Variants in BCAT1 observed in about 807,000 individuals in gnomAD.
BCAT1 encodes branched-chain-amino-acid aminotransferase, cytosolic.
A neutral mutation model predicts 52.4 loss-of-function variants in BCAT1; 48 were observed. That is an observed-to-expected ratio of 0.92 (90% CI 0.73 to 1.16). The LOEUF is 1.16. Among genes scored for constraint, BCAT1 ranks in the 50% most tolerant of loss-of-function variants. The pLI is 0.00. For synonymous variants in BCAT1, 167 were observed against 161.3 expected (o/e 1.04, Z -0.27); for missense variants, 451 against 457.1 (o/e 0.99, Z 0.12).
chr12:24,918,963 G>C (rs1039372931), intron 1 of BCAT1, among the ~76,000 whole-genome samples: 3 of 152,168 alleles, frequency 2.0e-5, no homozygotes, highest in Admixed American at 6.5e-5. Context: ...TTCTCTTTGG[G>C]TTTCCAGTGC....
At chr12:24,873,101 C>T (rs1243203895) in intron 5 of BCAT1, among the ~76,000 whole-genome samples, 1 of 152,204 alleles carries the variant, frequency 6.6e-6, no homozygotes, top group Non-Finnish European at 1.5e-5. Context: ...TTAAAATCAG[C>T]AAAACCTGGC....
At chr12:24,936,458 C>T (rs1943754710) in intron 1 of BCAT1, among the ~76,000 whole-genome samples, 1 of 152,182 alleles carries the variant, frequency 6.6e-6, no homozygotes, top group Non-Finnish European at 1.5e-5. Context: ...GTCTCAAACT[C>T]CTGACCTCAA....
intron 6 of BCAT1, among the ~76,000 whole-genome samples, chr12:24,848,503 A>G (rs1009263926): frequency 6.6e-6 from 1 of 152,198 alleles, no homozygotes. Context: ...ATTGCCCTGC[A>G]ATTTCTGTGT....
intron 8 of BCAT1, among the ~76,000 whole-genome samples, chr12:24,833,535 C>CA (rs1940780271): frequency 6.6e-6 from 1 of 151,624 alleles, no homozygotes; most frequent in African/African-American, 2.4e-5. Context: ...CAAAACAAAA[C>CA]AAAAAAATCA....
At chr12:24,862,427 T>C (rs1338403621) in intron 5 of BCAT1, among the ~76,000 whole-genome samples, 1 of 152,190 alleles carries the variant, frequency 6.6e-6, no homozygotes, top group African/African-American at 2.4e-5. Context: ...AAGAATTCTT[T>C]CCTGATAAGA....
intron 3 of BCAT1, among the ~76,000 whole-genome samples, chr12:24,893,561 A>C (rs1055482809): frequency 6.6e-6 from 1 of 152,366 alleles, no homozygotes; most frequent in East Asian, 1.9e-4. Flanking sequence ...GCAGGAATTC[A>C]GTAAACAAAA....
chr12:24,826,038 T>A (rs931880344), intron 10 of BCAT1, among the ~76,000 whole-genome samples: 1 of 152,038 alleles, frequency 6.6e-6, no homozygotes, highest in Admixed American at 6.6e-5. Context: ...ATGGTGAGAC[T>A]CCATCTCTAC....
chr12:24,881,962 G>A (rs757111742), intron 3 of BCAT1, among the ~76,000 whole-genome samples: 13 of 152,090 alleles, frequency 8.5e-5, no homozygotes, highest in African/African-American at 1.9e-4. Flanking sequence ...GTGCTGTCCT[G>A]AACAAACCAC....
intron 7 of BCAT1, among the ~76,000 whole-genome samples, chr12:24,837,520 A>G (rs7968607): frequency 0.85 from 127,829 of 149,850 alleles, 54,752 homozygotes; most frequent in South Asian, 0.89. Context: ...TCTGCCTCCC[A>G]GGGTCAAGTG....
chr12:24,913,853 C>G (rs12580682), intron 1 of BCAT1, among the ~76,000 whole-genome samples: 11,592 of 152,130 alleles, frequency 0.076, 616 homozygotes, highest in Admixed American at 0.11. Flanking sequence ...CAAAGTGAGT[C>G]AGATAATTTC....
chr12:24,945,629 TCC>T (rs1943923742), intron 1 of BCAT1: 1 of 152,158 alleles, frequency 6.6e-6, no homozygotes, highest in South Asian at 2.1e-4. Context: ...GGCCAGGAGT[TCC>T]AGACCAGCCT....
At chr12:24,928,255 A>G (rs1464210190) in intron 1 of BCAT1, among the ~76,000 whole-genome samples, 1 of 152,204 alleles carries the variant, frequency 6.6e-6, no homozygotes, top group African/African-American at 2.4e-5. Flanking sequence ...ACCAGAGACC[A>G]GACCTTCCCC....
chr12:24,908,472 C>A (rs920445787), intron 1 of BCAT1, among the ~76,000 whole-genome samples: 5 of 152,190 alleles, frequency 3.3e-5, no homozygotes, highest in African/African-American at 1.2e-4. Context: ...CATGGTGGCT[C>A]ACACCTGTAA....
In BCAT1 at chr12:24,944,763, G is replaced by T. The variant is rs184445428; in HGVS notation, c.6+4164C>A. ...TTCTTAATGGAACTAGCTGAGTTTT[G>T]CAAGTATTTCACAACTTTCAATAAG... On this transcript the variant is annotated intron_variant, in intron 1 of 10. Transcript: ENST00000261192. Among the ~76,000 whole-genome samples the T allele has an allele frequency of 2.3e-3, 352 of 152,286 alleles. 1 individual carries two copies. The highest frequency in any genetic ancestry group is 8.2e-3 in the African/African-American group (339 of 41,564).
chr12:24,823,716 C>T (rs917718666), intron 10 of BCAT1, among the ~76,000 whole-genome samples: 5 of 152,102 alleles, frequency 3.3e-5, no homozygotes, highest in African/African-American at 1.2e-4. Context: ...CTGTTCCCAC[C>T]ATGTAATATG....
Position 24,891,756 on chromosome 12 carries a change from T to G in BCAT1, c.279+2519A>C, listed in dbSNP as rs531241798. The stretch of plus-strand genomic sequence containing the variant: ...AATAGATGGCCAAAGAGGTTTTTGT[T>G]TTTTTTTTTTGAGATGGAGTCTTGC... On this transcript the variant is annotated intron_variant, in intron 3 of 10. Transcript: ENST00000261192. Among the ~76,000 whole-genome samples the G allele has an allele frequency of 5.6e-3, 833 of 150,082 alleles. 4 individuals are homozygous for G. The highest frequency in any genetic ancestry group is 0.02 in the African/African-American group (804 of 41,076).
chr12:24,838,045 C>A lies in BCAT1; in HGVS notation c.818-1449G>T, dbSNP rs181757745. Among the ~76,000 whole-genome samples the A allele has an allele frequency of 2.6e-3, 395 of 152,284 alleles. 2 individuals are homozygous for A. Among genetic ancestry groups the A allele is most frequent in the Non-Finnish European group, 4.9e-3 (330 of 68,028 alleles). ...ACTCAGCATCTCCCTTTCCTCCCCA[C>A]TTCTGACACCCAGGAGTCTGAATCT... On this transcript the variant is annotated intron_variant, in intron 7 of 10. Coordinates refer to ENST00000261192, the MANE Select transcript of BCAT1 (RefSeq NM_005504.7).
chr12:24,864,128 A>G (rs1446723235), intron 5 of BCAT1, among the ~76,000 whole-genome samples: 1 of 152,202 alleles, frequency 6.6e-6, no homozygotes, highest in African/African-American at 2.4e-5. Context: ...AAAAATATTT[A>G]CTATTAAGAC....
intron 5 of BCAT1, among the ~76,000 whole-genome samples, chr12:24,874,857 G>T (rs887600508): frequency 1.2e-4 from 18 of 152,132 alleles, no homozygotes; most frequent in Admixed American, 1.3e-4. Context: ...GATCAACTAG[G>T]TGTCTATAAA....
Sources: gnomAD v4.1 joint callset for allele counts (sites outside exome capture counted in the v4.1 genomes callset) on GRCh38, gnomAD v4.1.1 for gene constraint, MANE v1.5 for transcripts, NCBI Gene and HGNC (gene_info 2026-07-23, HGNC 2026-07-21) for gene names.